PALM2AKAP2: variants seen among roughly 807,000 people sequenced by gnomAD.
PALM2AKAP2 encodes PALM2-AKAP2 fusion protein.
In PALM2AKAP2, 37 loss-of-function variants were observed where a neutral mutation model predicts 71.5. The observed-to-expected ratio is 0.52, with a 90% CI of 0.40 to 0.68. The LOEUF (loss-of-function observed/expected upper bound fraction) is 0.68. Among genes scored for constraint, PALM2AKAP2 ranks in the 30% least tolerant of loss-of-function variants. PALM2AKAP2 has a pLI of 0.00. For missense variants in PALM2AKAP2, 1,224 were observed against 1,191.8 expected, an observed-to-expected ratio of 1.03 and a Z score of -0.40; for synonymous variants, 468 against 478.8, an observed-to-expected ratio of 0.98 and a Z score of 0.29.
chr9:109,797,948 T>C (rs939879067), intron 1 of PALM2AKAP2, among the ~76,000 whole-genome samples: 1 of 152,200 alleles, frequency 6.6e-6, no homozygotes, highest in African/African-American at 2.4e-5. Flanking sequence ...GCTGTTATAA[T>C]AAAGTGCCAC....
intron 1 of PALM2AKAP2, among the ~76,000 whole-genome samples, chr9:109,742,301 A>T (rs1040899531): frequency 1.8e-4 from 24 of 130,218 alleles, no homozygotes; most frequent in South Asian, 1.3e-3. Flanking sequence ...ACACACACAC[A>T]CTCTCACAGC....
intron 1 of PALM2AKAP2, among the ~76,000 whole-genome samples, chr9:109,855,575 C>T (rs1017725722): frequency 3.9e-5 from 6 of 152,106 alleles, no homozygotes; most frequent in East Asian, 3.8e-4. Context: ...TCTTTCTATG[C>T]GTTATGTTTT....
At chr9:110,045,845 G>T (rs943690495), upstream of PALM2AKAP2, among the ~76,000 whole-genome samples, 1 of 152,162 alleles carries the variant, frequency 6.6e-6, no homozygotes, top group Non-Finnish European at 1.5e-5. Flanking sequence ...TGGGATTACA[G>T]GCATGAGCTA....
chr9:109,750,178 T>G (rs1183700879), intron 1 of PALM2AKAP2, among the ~76,000 whole-genome samples: 2 of 152,118 alleles, frequency 1.3e-5, no homozygotes, highest in Non-Finnish European at 2.9e-5. Context: ...TTCCCTGACT[T>G]GAGACAAAGG....
At chr9:109,867,659 G>T in intron 2 of PALM2AKAP2, 88 bp downstream of exon 2, 1 of 1,450,470 alleles carries the variant, frequency 6.9e-7, no homozygotes, top group Non-Finnish European at 9.1e-7. Flanking sequence ...CTGCCGTGAA[G>T]GCGCTGCCGC....
intron 6 of PALM2AKAP2, chr9:109,943,931 T>G (rs1226264205): frequency 6.3e-6 from 1 of 157,972 alleles, no homozygotes; most frequent in Non-Finnish European, 1.4e-5. Flanking sequence ...TGGACCTTAC[T>G]TAGTCTGTCC....
At chr9:109,776,662 C>T (rs1436597801), upstream of PALM2AKAP2, among the ~76,000 whole-genome samples, 1 of 152,134 alleles carries the variant, frequency 6.6e-6, no homozygotes, top group African/African-American at 2.4e-5. Context: ...CTGCCTCTCA[C>T]TATGGCTTTT....
chr9:110,129,744 A>T (rs1053818487), intron 1 of PALM2AKAP2, among the ~76,000 whole-genome samples: 3 of 152,224 alleles, frequency 2.0e-5, no homozygotes, highest in Admixed American at 6.5e-5. Flanking sequence ...AGTTGTGGAG[A>T]TGGACCAGGT....
chr9:109,891,893 G>C (rs1014666197), intron 3 of PALM2AKAP2, among the ~76,000 whole-genome samples: 1 of 152,162 alleles, frequency 6.6e-6, no homozygotes, highest in Non-Finnish European at 1.5e-5. Context: ...ACTCAGTCCA[G>C]GTAAAACTCC....
chr9:110,029,528 CA>C lies in PALM2AKAP2; in HGVS notation c.582+13490del, dbSNP rs1349629951. 5.9e-5 allele frequency among the ~76,000 whole-genome samples: 9 copies of C among 152,268 alleles called. No homozygotes were observed. In the South Asian group the frequency reaches 1.9e-3, roughly 32 times the overall value. On this transcript the variant is annotated intron_variant, in intron 7 of 9. Coordinates refer to the PALM2AKAP2 transcript ENST00000302798. Reference sequence around the variant, plus strand: ...CCTTCTATGCACATTTTGAACATTCCAGCAGTGAGAATGACTAATGATGCTA... The same window carrying C: ...CCTTCTATGCACATTTTGAACATTCCGCAGTGAGAATGACTAATGATGCTA...
intron 1 of PALM2AKAP2, among the ~76,000 whole-genome samples, chr9:109,658,281 A>G (rs1827337753): frequency 6.6e-6 from 1 of 151,988 alleles, no homozygotes; most frequent in Non-Finnish European, 1.5e-5. Context: ...TCACTTTGGT[A>G]TTGAGTGTAG....
chr9:109,787,689 C>G (rs539297624), intron 1 of PALM2AKAP2, among the ~76,000 whole-genome samples: 10 of 152,168 alleles, frequency 6.6e-5, no homozygotes, highest in Non-Finnish European at 1.3e-4. Context: ...GTTGTTACAT[C>G]AACTCATTTT....
At chr9:109,952,073 A>G (rs1831654642) in intron 6 of PALM2AKAP2, among the ~76,000 whole-genome samples, 1 of 152,222 alleles carries the variant, frequency 6.6e-6, no homozygotes, top group Admixed American at 6.5e-5. Flanking sequence ...ATAGTTTTTC[A>G]ATAAATGGCC....
At chr9:110,015,329 G>A (rs376002724) in intron 6 of PALM2AKAP2, among the ~76,000 whole-genome samples, 9 of 152,288 alleles carry the variant, frequency 5.9e-5, no homozygotes, top group Non-Finnish European at 1.0e-4. Context: ...AGAACAGAAG[G>A]GTGGCTTACA....
intron 1 of PALM2AKAP2, among the ~76,000 whole-genome samples, chr9:109,717,204 C>A (rs1348654489): frequency 6.6e-6 from 1 of 152,126 alleles, no homozygotes; most frequent in Non-Finnish European, 1.5e-5. Flanking sequence ...AATGAGGACA[C>A]CAGCTTAAAG....
intron 1 of PALM2AKAP2, among the ~76,000 whole-genome samples, chr9:109,851,948 A>G (rs1434003646): frequency 1.3e-5 from 2 of 152,194 alleles, no homozygotes; most frequent in Non-Finnish European, 2.9e-5. Flanking sequence ...ATGGCAAGCA[A>G]CAGAACTAGC....
chr9:109,709,659 G>A (rs1828197415), intron 1 of PALM2AKAP2, among the ~76,000 whole-genome samples: 1 of 152,122 alleles, frequency 6.6e-6, no homozygotes, highest in Admixed American at 6.5e-5. Context: ...ATGGGTTAAA[G>A]GCTTTGGTAG....
chr9:110,021,010 G>A (rs566445150), intron 7 of PALM2AKAP2, among the ~76,000 whole-genome samples: 131 of 152,190 alleles, frequency 8.6e-4, no homozygotes, highest in African/African-American at 3.1e-3. Context: ...GGAGGCTGAA[G>A]CACGAGAATC....
In PALM2AKAP2 at chr9:109,685,875, AT is replaced by A. The variant is rs200933076; in HGVS notation, c.5+45018del. 4.6e-5 allele frequency among the ~76,000 whole-genome samples: 7 copies of A among 151,504 alleles called. No individual in the cohort carries two copies. The East Asian group carries it at 5.8e-4, about 13-fold the overall frequency. On this transcript the variant is annotated intron_variant, in intron 1 of 6. Coordinates refer to the PALM2AKAP2 transcript ENST00000374531. ...GTTCGATAGTATTTTACACATAGTA[AT>A]TTTTTTTTCAAAATTGGTGTCCATC...
Sources: allele counts gnomAD v4.1 joint callset (sites outside exome capture counted in the v4.1 genomes callset), GRCh38; gene constraint gnomAD v4.1.1; transcripts MANE v1.5; gene names NCBI Gene and HGNC (gene_info 2026-07-23, HGNC 2026-07-21).